Variants in COL4A6 observed in about 807,000 individuals in gnomAD.
COL4A6 encodes the protein collagen alpha-6(IV) chain.
In COL4A6, 59 loss-of-function variants were observed where a neutral mutation model predicts 126.7. The ratio of observed to expected loss-of-function variants is 0.47; its 90% CI spans 0.38 to 0.58. COL4A6 has a LOEUF of 0.58. Among genes scored for constraint, COL4A6 ranks in the 20% least tolerant of loss-of-function variants. The pLI is 0.00. For synonymous variants in COL4A6, 547 were observed against 496.6 expected (o/e 1.10, Z -1.35); for missense variants, 1,285 against 1,337.3 (o/e 0.96, Z 0.61).
At position 108,161,735 on chromosome X, in the gene COL4A6, C is replaced by T; in HGVS notation, c.4217G>A (p.Gly1406Asp). 1 of 1,180,191 alleles carries T rather than the reference C, an allele frequency of 8.5e-7. No homozygotes were observed. The highest frequency in any genetic ancestry group is 1.2e-6 in the Non-Finnish European group (1 of 868,093). Residue 1406 changes from glycine to aspartate, a missense_variant and splice_region_variant, in exon 42 of 45, where the codon GGC becomes GAC. Transcript: ENST00000334504. ...GGGGATGCCAGGTAAACCTTTGGAG[C>T]CTGCAGGAGAGAAAGCCCAAAGGAG... ...PGAQGPVGLQ[G>D]SKGLPGIPGK...
chrX:108,160,413 G>A, intron 43 of COL4A6, 50 bp downstream of exon 43: 1 of 1,119,951 alleles, frequency 8.9e-7, no homozygotes, highest in Admixed American at 2.6e-5. Context: ...TTGGCTGTTG[G>A]TGTTTGTGGG....
intron 2 of COL4A6, among the ~76,000 whole-genome samples, chrX:108,396,955 C>T (rs2040977886): frequency 8.9e-6 from 1 of 111,767 alleles, no homozygotes; most frequent in Non-Finnish European, 1.9e-5. Flanking sequence ...ACATTTATCT[C>T]AAAATTATTT....
chrX:108,196,964 A>G (rs1015309817), intron 13 of COL4A6, among the ~76,000 whole-genome samples: 2 of 112,262 alleles, frequency 1.8e-5, no homozygotes, highest in African/African-American at 6.5e-5. Context: ...GGACTTTTCC[A>G]TTAAAACAAG....
intron 3 of COL4A6, among the ~76,000 whole-genome samples, chrX:108,239,503 C>T (rs959996452): frequency 6.3e-5 from 7 of 111,813 alleles, no homozygotes; most frequent in Admixed American, 2.8e-4. Context: ...CATAGTCACC[C>T]GTGGAAGCCA....
intron 2 of COL4A6, among the ~76,000 whole-genome samples, chrX:108,393,976 G>A (rs951653601): frequency 3.6e-5 from 4 of 111,809 alleles, no homozygotes; most frequent in Non-Finnish European, 7.5e-5. Flanking sequence ...ACATGCACAC[G>A]TATGTTTATG....
chrX:108,252,576 C>A (rs1024982289), intron 3 of COL4A6, among the ~76,000 whole-genome samples: 68 of 111,476 alleles, frequency 6.1e-4, no homozygotes, highest in African/African-American at 2.2e-3. Context: ...CTGAGTTCTA[C>A]CATTTAAAGA....
At chrX:108,199,335 C>T (rs180841167) in intron 13 of COL4A6, among the ~76,000 whole-genome samples, 13 of 110,530 alleles carry the variant, frequency 1.2e-4, no homozygotes, top group Admixed American at 2.9e-4. Context: ...AAATACATTA[C>T]CACCTTTCTC....
chrX:108,163,007 T>C lies in COL4A6; in HGVS notation c.4101A>G (p.Gln1367=), dbSNP rs149076650. Residue 1367 remains glutamine, a synonymous_variant, in exon 41 of 45, where the codon CAA becomes CAG. Transcript: ENST00000334504. ...GSSGLQGDPG[Q]TPTAEAVQVP... is the part of the protein sequence containing the mutation. ...CCTGGACAGCTTCTGCAGTTGGTGT[T>C]TGTCCAGGATCACCTTGGAGGCCAG... 35 of 1,197,159 alleles carry C rather than the reference T, an allele frequency of 2.9e-5. No individual in the cohort carries two copies. Among genetic ancestry groups the C allele is most frequent in the Non-Finnish European group, 3.8e-5 (34 of 890,379 alleles).
chrX:108,362,882 T>C (rs185425859), intron 2 of COL4A6, among the ~76,000 whole-genome samples: 57 of 111,636 alleles, frequency 5.1e-4, no homozygotes, highest in African/African-American at 1.9e-3. Flanking sequence ...GCCACTCTCT[T>C]CTGGACACAA....
chrX:108,213,856 A>G, intron 6 of COL4A6: 1 of 324,839 alleles, frequency 3.1e-6, no homozygotes, highest in Non-Finnish European at 5.3e-6. Flanking sequence ...CAGCCTTTTA[A>G]CAATCTTGCC....
intron 2 of COL4A6, among the ~76,000 whole-genome samples, chrX:108,395,497 C>G (rs908198137): frequency 8.0e-5 from 9 of 112,040 alleles, no homozygotes; most frequent in Non-Finnish European, 1.9e-5. Context: ...GATGCAATAA[C>G]TGCAGGTATC....
At chrX:108,241,688 T>A (rs2036577177) in intron 3 of COL4A6, among the ~76,000 whole-genome samples, 1 of 107,911 alleles carries the variant, frequency 9.3e-6, no homozygotes, top group Non-Finnish European at 1.9e-5. Context: ...CTGGAAGCTC[T>A]GGAGAAGAAA....
intron 2 of COL4A6, among the ~76,000 whole-genome samples, chrX:108,352,067 A>C (rs1016207978): frequency 8.9e-6 from 1 of 112,820 alleles, no homozygotes; most frequent in Non-Finnish European, 1.9e-5. Flanking sequence ...CTTGGTCAGA[A>C]TACTCTGCCT....
chrX:108,243,226 A>G (rs1417419383), intron 3 of COL4A6, among the ~76,000 whole-genome samples: 1 of 111,348 alleles, frequency 9.0e-6, no homozygotes, highest in Non-Finnish European at 1.9e-5. Context: ...ATTTCCAGAC[A>G]GTCTGATTTA....
At chrX:108,383,579 C>T (rs183560404) in intron 2 of COL4A6, 663 of 485,385 alleles carry the variant, frequency 1.4e-3, no homozygotes, top group Non-Finnish European at 2.1e-3. Flanking sequence ...GAATGCGAGG[C>T]GAATAGCTGT....
intron 2 of COL4A6, among the ~76,000 whole-genome samples, chrX:108,404,830 T>C (rs902978916): frequency 1.9e-4 from 21 of 112,131 alleles, no homozygotes; most frequent in African/African-American, 6.8e-4. Context: ...CATATATCAT[T>C]GCCAATTTTT....
chrX:108,254,102 C>A (rs2036930303), intron 3 of COL4A6, among the ~76,000 whole-genome samples: 1 of 110,954 alleles, frequency 9.0e-6, no homozygotes, highest in African/African-American at 3.3e-5. Flanking sequence ...AGCTGTGTTG[C>A]CAAGTTATTT....
At chrX:108,176,096 G>A (rs2034478607) in intron 28 of COL4A6, among the ~76,000 whole-genome samples, 1 of 110,487 alleles carries the variant, frequency 9.1e-6, no homozygotes, top group African/African-American at 3.3e-5. Flanking sequence ...AAGGTGAGGC[G>A]GGTGGATCAC....
chrX:108,158,705 GAC>G (rs2033817628), intron 44 of COL4A6, among the ~76,000 whole-genome samples: 1 of 112,148 alleles, frequency 8.9e-6, no homozygotes, highest in African/African-American at 3.2e-5. Flanking sequence ...CATTTTTAAA[GAC>G]ACTCTCTCAC....
Sources: gnomAD v4.1 joint callset for allele counts (sites outside exome capture counted in the v4.1 genomes callset) on GRCh38, gnomAD v4.1.1 for gene constraint, MANE v1.5 for transcripts, NCBI Gene and HGNC (gene_info 2026-07-23, HGNC 2026-07-21) for gene names.